Variants in FANCA observed in about 807,000 individuals in gnomAD.
The protein encoded by FANCA is FA complementation group A, also known as Fanconi anemia group A protein.
Under a neutral mutation model 194.3 loss-of-function variants are expected in FANCA, and 236 were observed. The ratio of observed to expected loss-of-function variants is 1.21; its 90% CI spans 1.09 to 1.35. The LOEUF is 1.35. FANCA is among the 40% of genes most tolerant of loss of function. The pLI is 0.00. For missense variants in FANCA, 2,628 were observed against 1,813.9 expected (o/e 1.45, Z -8.15); for synonymous variants, 1,014 against 715.8 (o/e 1.42, Z -6.65).
At chr16:89,774,729 C>CAA (rs780078944) in intron 21 of FANCA, among the ~76,000 whole-genome samples, 4,867 of 22,080 alleles carry the variant, frequency 0.22, 1,229 homozygotes, top group East Asian at 0.66. Flanking sequence ...GACTCTGTCT[C>CAA]AAAAAAAAAA....
At chr16:89,765,695 A>C (rs1034749202) in intron 27 of FANCA, among the ~76,000 whole-genome samples, 1 of 152,246 alleles carries the variant, frequency 6.6e-6, no homozygotes, top group Non-Finnish European at 1.5e-5. Flanking sequence ...TCTGCCCCCG[A>C]GGAGATGAGA....
At chr16:89,796,719 C>T (rs1188889922) in intron 10 of FANCA, among the ~76,000 whole-genome samples, 2 of 152,144 alleles carry the variant, frequency 1.3e-5, no homozygotes, top group African/African-American at 4.8e-5. Context: ...GCCGATTCCC[C>T]AGGTAAGAAA....
intron 22 of FANCA, among the ~76,000 whole-genome samples, chr16:89,772,325 G>A (rs2039354090): frequency 6.6e-6 from 1 of 152,204 alleles, no homozygotes; most frequent in South Asian, 2.1e-4. Flanking sequence ...AGCCATCATT[G>A]AATCACCGGA....
chr16:89,758,514 C>A (rs928167537), intron 30 of FANCA, 63 bp downstream of exon 30: 4 of 1,595,294 alleles, frequency 2.5e-6, no homozygotes, highest in Non-Finnish European at 2.6e-6. Context: ...AGAAACTCCC[C>A]TTTATATATA....
rs562812885 is a variant in FANCA at position 89,812,883 on chromosome 16, A to G, written c.283+1637T>C. Reference sequence around the variant, plus strand: ...CCCCGCCTCTACTAAAAATACAAAAATTAGCTGGGTGCGGCGGCGGGCACC... The same window carrying G: ...CCCCGCCTCTACTAAAAATACAAAAGTTAGCTGGGTGCGGCGGCGGGCACC... On this transcript the variant is annotated intron_variant, in intron 3 of 42. Transcript: ENST00000389301. Among the ~76,000 whole-genome samples, 450 of 151,468 alleles carry G rather than the reference A, an allele frequency of 3.0e-3. 5 individuals carry two copies. Among genetic ancestry groups the G allele is most frequent in the African/African-American group, 0.01 (428 of 41,296 alleles).
chr16:89,784,918 G>A lies in FANCA; in HGVS notation c.1406C>T (p.Ala469Val), dbSNP rs2039846606. 10 of 1,614,074 alleles carry A rather than the reference G, an allele frequency of 6.2e-6. No individual in the cohort carries two copies. In the East Asian group the frequency reaches 2.2e-4, roughly 36 times the overall value. The change falls in exon 15 of 43, where the codon GCC (alanine) becomes GTC (valine). Residue 469 changes from alanine to valine, a missense_variant. Ala to Val is a moderately conservative substitution (Grantham distance 64). Transcript: ENST00000389301. ...CAAGAACGTAAACAGGAAGACCAGG[G>A]CCTTCTTGCTGCAGCCATGGTAGCC... ...TRGYHGCSKK[A>V]LVFLFTFLSE...
At chr16:89,808,454 T>C (rs963425795) in intron 5 of FANCA, 87 bp from the exon 6 acceptor site, 5 of 1,380,950 alleles carry the variant, frequency 3.6e-6, no homozygotes, top group South Asian at 2.3e-5. Context: ...TCCTACAAAA[T>C]GTTCAACTTA....
chr16:89,778,138 G>A (rs1337570831), intron 20 of FANCA, among the ~76,000 whole-genome samples: 11 of 140,832 alleles, frequency 7.8e-5, no homozygotes, highest in Middle Eastern at 4.0e-3. Context: ...CTCCAGCCTG[G>A]GCAACAGAGT....
At chr16:89,742,651 TAC>T in intron 37 of FANCA, 147 bp downstream of exon 37, 1 of 556,160 alleles carries the variant, frequency 1.8e-6, no homozygotes, top group Non-Finnish European at 2.6e-6. Context: ...CTACTAAAAA[TAC>T]AAAAAAAAAA....
In FANCA at chr16:89,762,013, G is replaced by A. The variant is rs576111872; in HGVS notation, c.2788C>T (p.Gln930Ter). 6.2e-7 allele frequency: 1 copy of A among 1,613,438 alleles called. No individual in the cohort carries two copies. The highest frequency in any genetic ancestry group is 8.5e-7 in the Non-Finnish European group (1 of 1,179,414). ...TCCAGCTCCAGGTGTAACCAGTCTTGGTAAGTTAACTGAGAAAGAGAGCAA... is the reference window on the plus strand; with the variant it reads ...TCCAGCTCCAGGTGTAACCAGTCTTAGTAAGTTAACTGAGAAAGAGAGCAA... Reference protein sequence around the residue: ...LKEEDVHLTYQDWLHLELEIQ... With the variant: ...LKEEDVHLTY Residue 930 changes from glutamine (Q) to a stop codon, truncating the protein, a stop_gained, in exon 29 of 43, where the codon CAA (glutamine) becomes TAA (stop). Transcript: ENST00000389301. LOFTEE classifies it high-confidence loss of function.
Position 89,799,654 on chromosome 16 carries a change from G to C in FANCA, c.793-16C>G. ...CAACCGTGACCTGTCAAAATAGAAT[G>C]TGAGTTACCATCTTGGTAATCTTCT... On this transcript the variant is annotated splice_polypyrimidine_tract_variant and intron_variant, in intron 8 of 42. Coordinates refer to ENST00000389301, the MANE Select transcript of FANCA (RefSeq NM_000135.4). 1 of 1,606,648 alleles carries C rather than the reference G, an allele frequency of 6.2e-7. No homozygotes were observed. Among genetic ancestry groups the C allele is most frequent in the Middle Eastern group, 1.7e-4 (1 of 6,050 alleles).
At chr16:89,815,546 G>C (rs576464961) in intron 2 of FANCA, among the ~76,000 whole-genome samples, 9 of 151,888 alleles carry the variant, frequency 5.9e-5, no homozygotes, top group African/African-American at 2.2e-4. Flanking sequence ...AGTAGAGACC[G>C]GGTTTCACTA....
Position 89,811,017 on chromosome 16 carries a change from G to T in FANCA, c.338C>A (p.Ser113Ter). The T allele has an allele frequency of 6.2e-7, 1 of 1,614,054 alleles. No homozygotes were observed. The highest frequency in any genetic ancestry group is 1.1e-5 in the South Asian group (1 of 91,080). Residue 113 changes from serine to a stop codon, truncating the protein, a stop_gained, in exon 4 of 43, where the codon TCA (serine) becomes TAA (stop). Transcript: ENST00000389301. LOFTEE classifies it high-confidence loss of function. Reference protein sequence around the residue: ...SRLGVPVGILSAGMVASSVGQ... With the variant: ...SRLGVPVGIL ...CACGCTAGAGGCAACCATCCCGGCTGAGAGAATACCCACGGGAACCCCCAG... is the reference window on the plus strand; with the variant it reads ...CACGCTAGAGGCAACCATCCCGGCTTAGAGAATACCCACGGGAACCCCCAG...
At position 89,744,972 on chromosome 16, in the gene FANCA, G is replaced by C. The variant is rs1313006784; in HGVS notation, c.3613C>G (p.Gln1205Glu). The stretch of plus-strand genomic sequence containing the variant: ...ACCCACACGTACTCGCTGGCAAACT[G>C]CCGGCCTTCTTGTAGCTTCTGCAGT... ...RELQKLQEGR[Q>E]FASDFLSPEA... The change falls in exon 36 of 43, where the codon CAG becomes GAG. Residue 1205 changes from glutamine (Q) to glutamate (E), a missense_variant. Physicochemically the swap from Gln to Glu is conservative, Grantham distance 29. Coordinates refer to ENST00000389301, the MANE Select transcript of FANCA (RefSeq NM_000135.4). The C allele has an allele frequency of 6.2e-7, 1 of 1,611,778 alleles. No homozygotes were observed. The highest frequency in any genetic ancestry group is 1.3e-5 in the African/African-American group (1 of 75,050).
intron 22 of FANCA, among the ~76,000 whole-genome samples, chr16:89,772,162 G>C (rs2039348344): frequency 6.6e-6 from 1 of 152,192 alleles, no homozygotes; most frequent in African/African-American, 2.4e-5. Context: ...TTCCATGTTG[G>C]CCCAGGGAAA....
chr16:89,738,785 T>C (rs544934389), intron 42 of FANCA, 77 bp from the exon 43 acceptor site: 162 of 1,612,996 alleles, frequency 1.0e-4, no homozygotes, highest in African/African-American at 5.9e-4. Flanking sequence ...CTGGCAGAAA[T>C]AGTCGAGTTG....
intron 27 of FANCA, among the ~76,000 whole-genome samples, chr16:89,766,236 C>G (rs1305250260): frequency 1.3e-5 from 2 of 151,718 alleles, no homozygotes; most frequent in African/African-American, 4.8e-5. Context: ...ACCTCATGAT[C>G]TGCCCGCCTC....
chr16:89,808,782 TTC>T (rs17232232), intron 5 of FANCA, among the ~76,000 whole-genome samples: 1,524 of 152,246 alleles, frequency 0.01, 31 homozygotes, highest in African/African-American at 0.035. Context: ...TCCCTTGTCT[TTC>T]TCACTCAACC....
intron 14 of FANCA, among the ~76,000 whole-genome samples, chr16:89,789,171 G>A (rs2039987878): frequency 6.6e-6 from 1 of 151,980 alleles, no homozygotes; most frequent in Non-Finnish European, 1.5e-5. Context: ...GAGCTGGGGA[G>A]AGCCTGAGGG....
Sources: gnomAD v4.1 joint callset for allele counts (sites outside exome capture counted in the v4.1 genomes callset) on GRCh38, gnomAD v4.1.1 for gene constraint, MANE v1.5 for transcripts, NCBI Gene and HGNC (gene_info 2026-07-23, HGNC 2026-07-21) for gene names.